MEIS3: variants seen among roughly 807,000 people sequenced by gnomAD.
The protein encoded by MEIS3 is Meis homeobox 3.
MEIS3 carries 38 observed loss-of-function variants against 51.4 expected under a neutral mutation model. The observed-to-expected ratio is 0.74, with a 90% confidence interval of 0.57 to 0.97. The LOEUF (loss-of-function observed/expected upper bound fraction) is 0.97. Among genes scored for constraint, MEIS3 ranks in the 50% least tolerant of loss-of-function variants. The pLI, the probability that MEIS3 is intolerant of heterozygous loss-of-function variation, is 0.00. For missense variants in MEIS3, 456 were observed against 502.6 expected, an observed-to-expected ratio of 0.91 and a Z score of 0.89; for synonymous variants, 198 against 201.8, an observed-to-expected ratio of 0.98 and a Z score of 0.16.
At chr19:47,421,966 C>G (rs934441102), upstream of MEIS3, among the ~76,000 whole-genome samples, 1 of 151,772 alleles carries the variant, frequency 6.6e-6, no homozygotes, top group African/African-American at 2.4e-5. Context: ...TCCACCCGGG[C>G]CCTTCATAAA....
At position 47,419,375 on chromosome 19, in the gene MEIS3, C is replaced by T. The variant is rs538489994; in HGVS notation, c.-294G>A. ...GCGCCCGAGGCCCCCTCCTCTGGGCCCCCCCCGTCCCTTCCCCGGCTCTGG... is the reference window on the plus strand; with the variant it reads ...GCGCCCGAGGCCCCCTCCTCTGGGCTCCCCCCGTCCCTTCCCCGGCTCTGG... On this transcript the variant is annotated 5_prime_UTR_variant, in exon 1 of 13. Transcript: ENST00000558555. 169 of 156,436 alleles carry T rather than the reference C, an allele frequency of 1.1e-3. 3 individuals are homozygous for T. Among genetic ancestry groups the T allele is most frequent in the South Asian group, 4.1e-4 (2 of 4,878 alleles). The allele number at this position is 156,436 out of a possible 1,614,324, so 9.7% of individuals were successfully genotyped here.
intron 6 of MEIS3, among the ~76,000 whole-genome samples, chr19:47,412,617 A>T (rs544723954): frequency 4.0e-4 from 61 of 152,118 alleles, no homozygotes; most frequent in Non-Finnish European, 6.2e-4. Flanking sequence ...GCTGAAGTGC[A>T]ATAGCGCGAT....
upstream of MEIS3, chr19:47,419,625 G>C (rs1568433015): frequency 2.7e-5 from 4 of 149,828 alleles, no homozygotes; most frequent in Non-Finnish European, 4.4e-5. Flanking sequence ...TTGGGGTTAG[G>C]GCAGCAGCAG....
At position 47,415,057 on chromosome 19, in the gene MEIS3, C is replaced by T; in HGVS notation, c.441G>A (p.Leu147=). ...IQVLRFHLLE[L]EKVHDLCDNF... is the part of the protein sequence containing the mutation. ...GGAGGTGAGACGCGCTCACCTTCTC[C>T]AGCTCCAGCAGGTGGAACCGCAGCA... Residue 147 remains leucine (L), a synonymous_variant, in exon 5 of 13, where the codon CTG becomes CTA. Coordinates refer to ENST00000558555, the MANE Select transcript of MEIS3 (RefSeq NM_001301059.2). 1 of 1,558,470 alleles carries T rather than the reference C, an allele frequency of 6.4e-7. No homozygotes were observed. Among genetic ancestry groups the T allele is most frequent in the Non-Finnish European group, 8.7e-7 (1 of 1,155,558 alleles).
At chr19:47,405,562 A>ATT (rs769408624) in intron 12 of MEIS3, among the ~76,000 whole-genome samples, 118 of 135,660 alleles carry the variant, frequency 8.7e-4, no homozygotes, top group African/African-American at 2.5e-3. Flanking sequence ...TGAGGGCTCA[A>ATT]TTTTTTTTTT....
chr19:47,413,594 A>G (rs1379142883), intron 6 of MEIS3, among the ~76,000 whole-genome samples: 2 of 152,036 alleles, frequency 1.3e-5, no homozygotes, highest in Non-Finnish European at 2.9e-5. Context: ...TGTACTCTGT[A>G]TGGAGCTGTG....
rs753483017 is a variant in MEIS3, at chr19:47,414,677, G to C, written c.597+40C>G. 9 of 1,552,554 alleles carry C rather than the reference G, an allele frequency of 5.8e-6. No individual in the cohort carries two copies. The South Asian group carries it at 1.1e-4, about 18-fold the overall frequency. ...CCTCATGCGGTGTCCAGGCACAGCT[G>C]TGGCTGCAGGACGATGCCTGGTGCC... is the stretch of plus-strand genomic sequence containing the variant. On this transcript the variant is annotated intron_variant, in intron 6 of 12. Transcript: ENST00000558555.
intron 8 of MEIS3, 39 bp downstream of exon 8, chr19:47,409,060 C>T (rs751660279): frequency 2.7e-5 from 43 of 1,602,298 alleles, no homozygotes; most frequent in South Asian, 2.3e-4. Flanking sequence ...TTCTCCCTCT[C>T]TCCATTCCCA....
rs141460006 is a variant in MEIS3, at chr19:47,414,778, T to C, written c.536A>G (p.Asp179Gly). 2 of 1,613,420 alleles carry C rather than the reference T, an allele frequency of 1.2e-6. No homozygotes were observed. The highest frequency in any genetic ancestry group is 1.7e-6 in the Non-Finnish European group (2 of 1,179,914). The stretch of plus-strand genomic sequence containing the variant: ...CTCGAAGTCCTCCCTGCAGCCGCCG[T>C]CCCGATCCTCGATGACCAGGTCGAT... ...MPIDLVIEDR[D>G]GGCREDFEDY... Residue 179 changes from aspartate (D) to glycine (G), a missense_variant, in exon 6 of 13, where the codon GAC becomes GGC. Physicochemically the swap from Asp to Gly is moderately conservative, Grantham distance 94. Coordinates refer to ENST00000558555, the MANE Select transcript of MEIS3 (RefSeq NM_001301059.2).
At chr19:47,418,832 G>A (rs1478687047) in intron 1 of MEIS3, 1 of 390,134 alleles carries the variant, frequency 2.6e-6, no homozygotes, top group Non-Finnish European at 4.5e-6. Flanking sequence ...GAGGGGCAGG[G>A]AGAAGGAGAA....
At chr19:47,407,541 G>A (rs1002990845) in intron 8 of MEIS3, 113 bp from the exon 9 acceptor site, 3 of 1,585,624 alleles carry the variant, frequency 1.9e-6, no homozygotes, top group African/African-American at 2.7e-5. Context: ...GCAGACGTCT[G>A]GGAGAACCGG....
intron 8 of MEIS3, among the ~76,000 whole-genome samples, chr19:47,408,345 C>T (rs901926155): frequency 1.3e-5 from 2 of 151,938 alleles, no homozygotes; most frequent in Non-Finnish European, 2.9e-5. Flanking sequence ...TGGTCTCGAA[C>T]TCCTGGGCTC....
intron 11 of MEIS3, 70 bp from the exon 12 acceptor site, chr19:47,406,596 T>C: frequency 6.9e-7 from 1 of 1,447,226 alleles, no homozygotes; most frequent in Non-Finnish European, 9.7e-7. Flanking sequence ...TAAGTCTCCC[T>C]CACCCCTTCC....
At chr19:47,407,549 C>CA in intron 8 of MEIS3, 121 bp from the exon 9 acceptor site, 3 of 1,575,820 alleles carry the variant, frequency 1.9e-6, no homozygotes, top group Non-Finnish European at 2.6e-6. Flanking sequence ...CTGGGAGAAC[C>CA]GGCGCTTCTG....
chr19:47,413,250 CG>C (rs1044886110), intron 6 of MEIS3, among the ~76,000 whole-genome samples: 1 of 151,726 alleles, frequency 6.6e-6, no homozygotes, highest in African/African-American at 2.4e-5. Flanking sequence ...AAAATTAGCC[CG>C]GTGTGGTCGT....
upstream of MEIS3, among the ~76,000 whole-genome samples, chr19:47,422,104 G>A (rs966066795): frequency 3.3e-5 from 5 of 151,576 alleles, no homozygotes; most frequent in African/African-American, 1.2e-4. Context: ...CATCACCCGA[G>A]CCCAGACTCC....
chr19:47,406,318 AAT>A (rs1350415422), intron 12 of MEIS3, 140 bp downstream of exon 12: 17 of 600,728 alleles, frequency 2.8e-5, no homozygotes, highest in African/African-American at 2.8e-4. Context: ...CAGATGGATG[AAT>A]ATCTTCCCAT....
At chr19:47,422,078 C>T (rs1236542422), upstream of MEIS3, among the ~76,000 whole-genome samples, 2 of 152,066 alleles carry the variant, frequency 1.3e-5, no homozygotes, top group Non-Finnish European at 2.9e-5. Flanking sequence ...CCCCTCCGCC[C>T]GCTGGCCACG....
intron 1 of MEIS3, chr19:47,417,710 C>T (rs947829295): frequency 7.1e-6 from 5 of 699,858 alleles, no homozygotes; most frequent in African/African-American, 1.7e-5. Context: ...TGGACACCTC[C>T]TGTAGGAACC....
Sources: gnomAD v4.1 joint callset for allele counts (sites outside exome capture counted in the v4.1 genomes callset) on GRCh38, gnomAD v4.1.1 for gene constraint, MANE v1.5 for transcripts, NCBI Gene and HGNC (gene_info 2026-07-23, HGNC 2026-07-21) for gene names.